PRKN: variants seen among roughly 807,000 people sequenced by gnomAD.
PRKN encodes E3 ubiquitin-protein ligase parkin.
PRKN carries 56 observed loss-of-function variants against 59.5 expected under a neutral mutation model. The ratio of observed to expected loss-of-function variants is 0.94; its 90% CI spans 0.76 to 1.18. The LOEUF (loss-of-function observed/expected upper bound fraction) is 1.18, where lower values mean the gene tolerates loss of function less well. Among genes scored for constraint, PRKN ranks in the 50% most tolerant of loss-of-function variants. The pLI, the probability that PRKN is intolerant of heterozygous loss-of-function variation, is 0.00. For missense variants in PRKN, 657 were observed against 596.4 expected, an observed-to-expected ratio of 1.10 and a Z score of -1.06; for synonymous variants, 250 against 222.1, an observed-to-expected ratio of 1.13 and a Z score of -1.12.
At chr6:162,382,915 A>G (rs986904455) in intron 2 of PRKN, among the ~76,000 whole-genome samples, 6 of 152,218 alleles carry the variant, frequency 3.9e-5, no homozygotes, top group African/African-American at 1.2e-4. Flanking sequence ...AGCACATTCC[A>G]TCTCAATAAA....
intron 1 of PRKN, among the ~76,000 whole-genome samples, chr6:162,564,132 G>A (rs9456792): frequency 0.31 from 46,642 of 151,880 alleles, 7,623 homozygotes; most frequent in East Asian, 0.49. Flanking sequence ...GGATCACAGA[G>A]TCAGGAGATC....
intron 2 of PRKN, among the ~76,000 whole-genome samples, chr6:162,337,596 T>C (rs544742222): frequency 6.6e-6 from 1 of 152,306 alleles, no homozygotes; most frequent in South Asian, 2.1e-4. Context: ...CTGGTCAACA[T>C]GGAAAATATG....
At position 162,152,986 on chromosome 6, in the gene PRKN, C is replaced by T. The variant is rs1170252504; in HGVS notation, c.534+48145G>A. On this transcript the variant is annotated intron_variant, in intron 4 of 11. Transcript: ENST00000366898. ...GACCTGCAGAAAAGGGCTCCAAAGT[C>T]GATGATGTTCAAAAATAGTAGATTA... is the stretch of plus-strand genomic sequence containing the variant. 4.6e-5 allele frequency among the ~76,000 whole-genome samples: 7 copies of T among 152,196 alleles called. No individual in the cohort carries two copies. In the South Asian group the frequency reaches 6.2e-4, roughly 14 times the overall value.
At chr6:161,636,039 C>G (rs1409661601) in intron 7 of PRKN, among the ~76,000 whole-genome samples, 1 of 152,196 alleles carries the variant, frequency 6.6e-6, no homozygotes, top group East Asian at 1.9e-4. Flanking sequence ...TCCTCTCCAT[C>G]CTGGTGCCCC....
intron 3 of PRKN, among the ~76,000 whole-genome samples, chr6:162,226,664 G>T (rs560369685): frequency 6.6e-6 from 1 of 152,152 alleles, no homozygotes; most frequent in South Asian, 2.1e-4. Context: ...CTCCCGAGTA[G>T]CTGGGACTAC....
Position 161,460,477 on chromosome 6 carries a change from G to A in PRKN, c.1084-73600C>T, listed in dbSNP as rs938969882. Among the ~76,000 whole-genome samples, 1 of 152,154 alleles carries A rather than the reference G, an allele frequency of 6.6e-6. No homozygotes were observed. Among genetic ancestry groups the A allele is most frequent in the Non-Finnish European group, 1.5e-5 (1 of 68,042 alleles). Reference sequence around the variant, plus strand: ...CAGGACAAGAAGCAGCATATCAGCAGGAAGGGCCAGGGGACACTTCTCTGA... The same window carrying A: ...CAGGACAAGAAGCAGCATATCAGCAAGAAGGGCCAGGGGACACTTCTCTGA... On this transcript the variant is annotated intron_variant, in intron 9 of 11. Coordinates refer to ENST00000366898, the MANE Select transcript of PRKN (RefSeq NM_004562.3). The surrounding 1 kb of genome is among the most constrained non-coding windows in gnomAD (Gnocchi z 5.0).
At chr6:161,898,307 GCA>G (rs1777737827) in intron 6 of PRKN, among the ~76,000 whole-genome samples, 1 of 152,140 alleles carries the variant, frequency 6.6e-6, no homozygotes, top group Non-Finnish European at 1.5e-5. Context: ...GAGTCCTGAT[GCA>G]TATAAGGTAG....
At chr6:161,421,261 T>C (rs1352818135) in intron 9 of PRKN, among the ~76,000 whole-genome samples, 1 of 152,210 alleles carries the variant, frequency 6.6e-6, no homozygotes, top group South Asian at 2.1e-4. Flanking sequence ...TGAAACGTGC[T>C]GAATTCCCAA....
At chr6:162,599,141 C>T (rs765684842) in intron 1 of PRKN, among the ~76,000 whole-genome samples, 2 of 152,144 alleles carry the variant, frequency 1.3e-5, no homozygotes, top group Non-Finnish European at 2.9e-5. Flanking sequence ...TGCTACAAAA[C>T]ACCAGAAAAG....
At chr6:161,506,702 G>A (rs1778186005) in intron 9 of PRKN, among the ~76,000 whole-genome samples, 1 of 152,182 alleles carries the variant, frequency 6.6e-6, no homozygotes, top group African/African-American at 2.4e-5. Context: ...TGGGCTTATT[G>A]AGAGGCACAC....
intron 7 of PRKN, among the ~76,000 whole-genome samples, chr6:161,741,808 C>CA (rs1478809522): frequency 6.6e-6 from 1 of 152,144 alleles, no homozygotes; most frequent in African/African-American, 2.4e-5. Flanking sequence ...GCTGTGTCCC[C>CA]ACCCAAATCT....
intron 7 of PRKN, among the ~76,000 whole-genome samples, chr6:161,722,760 T>C (rs1214770667): frequency 3.9e-5 from 6 of 152,220 alleles, no homozygotes; most frequent in Non-Finnish European, 8.8e-5. Flanking sequence ...TGACATTAAT[T>C]TGTCTATGCC....
At chr6:162,665,113 C>T (rs1368943766) in intron 1 of PRKN, among the ~76,000 whole-genome samples, 1 of 152,046 alleles carries the variant, frequency 6.6e-6, no homozygotes, top group African/African-American at 2.4e-5. Context: ...TTCCCTTTGA[C>T]AACCAGTACA....
chr6:162,510,493 G>A (rs370214644), intron 1 of PRKN, among the ~76,000 whole-genome samples: 33 of 152,296 alleles, frequency 2.2e-4, no homozygotes, highest in African/African-American at 4.6e-4. Context: ...CAGCTGCACC[G>A]AGGAAGCAGG....
chr6:162,011,432 ATGTT>A (rs1782693621), intron 5 of PRKN, among the ~76,000 whole-genome samples: 2 of 23,186 alleles, frequency 8.6e-5, no homozygotes, highest in Admixed American at 1.0e-3. Flanking sequence ...TATAATATAT[ATGTT>A]ATATATTTAT....
intron 1 of PRKN, among the ~76,000 whole-genome samples, chr6:162,563,130 G>C (rs1305592621): frequency 1.3e-5 from 2 of 152,094 alleles, no homozygotes; most frequent in Non-Finnish European, 2.9e-5. Flanking sequence ...GTGAAACCCT[G>C]TCTTTACTAA....
At chr6:161,619,773 G>C (rs1288662666) in intron 7 of PRKN, among the ~76,000 whole-genome samples, 1 of 152,102 alleles carries the variant, frequency 6.6e-6, no homozygotes, top group Non-Finnish European at 1.5e-5. Flanking sequence ...GCTGAATGGA[G>C]AGAGGACTGT....
At chr6:162,254,582 C>T (rs1044730533) in intron 3 of PRKN, among the ~76,000 whole-genome samples, 2 of 152,154 alleles carry the variant, frequency 1.3e-5, no homozygotes, top group African/African-American at 4.8e-5. Context: ...TCTGTGTCCA[C>T]CGTCTTCCTG....
intron 2 of PRKN, among the ~76,000 whole-genome samples, chr6:162,287,185 C>G (rs985165527): frequency 6.6e-6 from 1 of 152,136 alleles, no homozygotes; most frequent in Non-Finnish European, 1.5e-5. Context: ...GTGAGTGAGG[C>G]AGATAGACAA....
Sources: gnomAD v4.1 joint callset for allele counts (sites outside exome capture counted in the v4.1 genomes callset) on GRCh38, gnomAD v4.1.1 for gene constraint, Gnocchi (gnomAD v3.1) non-coding constraint, MANE v1.5 for transcripts, NCBI Gene and HGNC (gene_info 2026-07-23, HGNC 2026-07-21) for gene names.